TMEM223: variants seen among roughly 807,000 people sequenced by gnomAD.
TMEM223 encodes transmembrane protein 223.
In TMEM223, 14 loss-of-function variants were observed where a neutral mutation model predicts 14.1. That is an observed-to-expected ratio of 0.99 (90% confidence interval 0.66 to 1.55). The LOEUF is 1.55. TMEM223 is among the 40% of genes most tolerant of loss of function. The pLI, the probability that TMEM223 is intolerant of heterozygous loss-of-function variation, is 0.00. For missense variants in TMEM223, 346 were observed against 269.9 expected, an observed-to-expected ratio of 1.28 and a Z score of -1.97; for synonymous variants, 145 against 120.5, an observed-to-expected ratio of 1.20 and a Z score of -1.33.
downstream of TMEM223, chr11:62,787,490 G>C: frequency 1.3e-6 from 2 of 1,580,404 alleles, no homozygotes; most frequent in Non-Finnish European, 1.7e-6. Context: ...GCCTTCCTGT[G>C]CGGGGCCGTG....
exon 3 of TMEM223, chr11:62,771,708 A>G: frequency 5.3e-6 from 1 of 187,828 alleles, no homozygotes; most frequent in Non-Finnish European, 1.1e-5. Flanking sequence ...CGGCCCGCGG[A>G]GGTCAGTTCC....
intron 1 of TMEM223, chr11:62,778,794 AG>A: frequency 8.0e-7 from 1 of 1,245,584 alleles, no homozygotes; most frequent in South Asian, 1.2e-5. Context: ...ATGGTGGTTG[AG>A]GGGGAGGAGG....
At chr11:62,783,766 C>T (rs2084248282), downstream of TMEM223, among the ~76,000 whole-genome samples, 1 of 151,720 alleles carries the variant, frequency 6.6e-6, no homozygotes, top group Non-Finnish European at 1.5e-5. Context: ...CTCCTAGCCT[C>T]AAGTGGTCTG....
At chr11:62,787,242 C>A, downstream of TMEM223, 1 of 1,562,850 alleles carries the variant, frequency 6.4e-7, no homozygotes, top group South Asian at 1.1e-5. Context: ...GCCGTACCAG[C>A]CGCCCCGCCC....
At chr11:62,782,361 G>T (rs2134716797) in intron 1 of TMEM223, 1 of 1,605,960 alleles carries the variant, frequency 6.2e-7, no homozygotes, top group Non-Finnish European at 8.5e-7. Context: ...ACCTGCGGGT[G>T]GGATTGCTGC....
At chr11:62,782,855 G>A (rs753045776), downstream of TMEM223, 11 of 1,608,894 alleles carry the variant, frequency 6.8e-6, no homozygotes, top group African/African-American at 8.0e-5. Flanking sequence ...TCACACAGCC[G>A]TAAGAACTCC....
intron 1 of TMEM223, among the ~76,000 whole-genome samples, chr11:62,775,216 G>A (rs375136324): frequency 1.3e-5 from 2 of 152,118 alleles, no homozygotes; most frequent in East Asian, 1.9e-4. Flanking sequence ...GAGAAGTGCC[G>A]AGCAAAAGGG....
chr11:62,788,058 T>C (rs2084309538), downstream of TMEM223: 2 of 452,140 alleles, frequency 4.4e-6, no homozygotes. Flanking sequence ...CATGGGTTCA[T>C]TTAATGCCTA....
At chr11:62,783,289 T>G (rs1162392986), downstream of TMEM223, among the ~76,000 whole-genome samples, 1 of 152,136 alleles carries the variant, frequency 6.6e-6, no homozygotes, top group Non-Finnish European at 1.5e-5. Flanking sequence ...GAAACCATCC[T>G]GGCTAACACG....
At chr11:62,782,371 C>G in intron 1 of TMEM223, 1 of 1,598,276 alleles carries the variant, frequency 6.3e-7, no homozygotes, top group African/African-American at 1.3e-5. Context: ...GGGATTGCTG[C>G]AGAGCCAAGT....
downstream of TMEM223, among the ~76,000 whole-genome samples, chr11:62,785,134 C>T (rs1051536831): frequency 1.3e-5 from 2 of 149,170 alleles, no homozygotes; most frequent in East Asian, 2.0e-4. Flanking sequence ...CACTGCACCT[C>T]GCCTATCTTT....
downstream of TMEM223, chr11:62,789,873 C>T: frequency 6.2e-7 from 1 of 1,610,690 alleles, no homozygotes. Flanking sequence ...GATCCTGTCC[C>T]TGTCTCCTAC....
Position 62,790,136 on chromosome 11 carries a change from C to A in TMEM223, c.*487G>T. 4.9e-5 allele frequency: 42 copies of A among 860,182 alleles called. No individual in the cohort carries two copies. The highest frequency in any genetic ancestry group is 4.1e-4 in the Middle Eastern group (1 of 2,436). The allele number at this position is 860,182 out of a possible 1,614,324, so 53.3% of individuals were successfully genotyped here. On this transcript the variant is annotated 3_prime_UTR_variant, in exon 2 of 2. Coordinates refer to ENST00000307366, the MANE Select transcript of TMEM223 (RefSeq NM_001080501.3). Reference sequence around the variant, plus strand: ...TCAAGGCCCTGTTTATGTTGGGAGTCTTAGTTTTCCTTTCGTTGGGGGGTG... The same window carrying A: ...TCAAGGCCCTGTTTATGTTGGGAGTATTAGTTTTCCTTTCGTTGGGGGGTG...
chr11:62,787,255 C>T (rs1376414412), downstream of TMEM223: 6 of 1,566,840 alleles, frequency 3.8e-6, no homozygotes, highest in Non-Finnish European at 4.3e-6. Context: ...CCCCGCCCGC[C>T]GGTGGGCGCT....
chr11:62,791,031 T>G, intron 1 of TMEM223, 116 bp from the exon 2 acceptor site: 1 of 766,916 alleles, frequency 1.3e-6, no homozygotes, highest in Non-Finnish European at 1.8e-6. Context: ...TACTGAGCGC[T>G]TTTTTTTTTG....
At chr11:62,787,569 C>A, downstream of TMEM223, 3 of 1,495,912 alleles carry the variant, frequency 2.0e-6, no homozygotes, top group Non-Finnish European at 2.7e-6. Context: ...GGGAGCTGGC[C>A]GGTCTGGACA....
At chr11:62,781,662 C>CAAAA (rs58932683) in intron 1 of TMEM223, 22,660 of 310,700 alleles carry the variant, frequency 0.073, 105 homozygotes, top group South Asian at 0.09. Context: ...GACTCGGTCT[C>CAAAA]AAAAAAAAAA....
At chr11:62,786,637 G>C (rs2084279714), downstream of TMEM223, 1 of 1,603,032 alleles carries the variant, frequency 6.2e-7, no homozygotes, top group South Asian at 1.1e-5. Context: ...TCTCTTTCAA[G>C]AGTCGTCCTC....
At chr11:62,789,666 T>C, downstream of TMEM223, 1 of 1,547,006 alleles carries the variant, frequency 6.5e-7, no homozygotes, top group Non-Finnish European at 8.7e-7. Flanking sequence ...TACTCCAACC[T>C]ACACAATGCT....
Sources: gnomAD v4.1 joint callset for allele counts (sites outside exome capture counted in the v4.1 genomes callset) on GRCh38, gnomAD v4.1.1 for gene constraint, MANE v1.5 for transcripts, NCBI Gene and HGNC (gene_info 2026-07-23, HGNC 2026-07-21) for gene names.